Variants in ABCA7 observed in about 807,000 individuals in gnomAD.
ABCA7 encodes ATP binding cassette subfamily A member 7, also known as phospholipid-transporting ATPase ABCA7.
A neutral mutation model predicts 227.6 loss-of-function variants in ABCA7; 261 were observed. The observed-to-expected ratio is 1.15, with a 90% CI of 1.04 to 1.27. The LOEUF (loss-of-function observed/expected upper bound fraction) is 1.27, where lower values mean the gene tolerates loss of function less well. Ranked by LOEUF, ABCA7 falls within the 50% of genes most tolerant of loss-of-function variation. The pLI, the probability that ABCA7 is intolerant of heterozygous loss-of-function variation, is 0.00. For missense variants in ABCA7, 3,331 were observed against 2,924.5 expected (o/e 1.14, Z -3.21); for synonymous variants, 1,488 against 1,279.7 (o/e 1.16, Z -3.47).
intron 17 of ABCA7, 94 bp from the exon 18 acceptor site, chr19:1,049,172 C>T (rs926735032): frequency 2.1e-6 from 3 of 1,430,570 alleles, no homozygotes; most frequent in Non-Finnish European, 1.9e-6. Flanking sequence ...GGCCCCGGCC[C>T]AGCAGGTCCC....
Position 1,047,554 on chromosome 19 carries a change from T to A in ABCA7, c.2169T>A (p.Pro723=). The A allele has an allele frequency of 6.2e-7, 1 of 1,601,842 alleles. No individual in the cohort carries two copies. Among genetic ancestry groups the A allele is most frequent in the Non-Finnish European group, 8.5e-7 (1 of 1,178,812 alleles). ...GAQWHNVGTR[P]TADVFSLAQV... ...AGTGGCACAACGTGGGCACCCGGCCTACGGCAGACGTCTTCAGCCTGGCCC... is the reference window on the plus strand; with the variant it reads ...AGTGGCACAACGTGGGCACCCGGCCAACGGCAGACGTCTTCAGCCTGGCCC... Residue 723 remains proline, a synonymous_variant, in exon 16 of 47, where the codon CCT becomes CCA. Transcript: ENST00000263094.
chr19:1,061,967 G>A, intron 41 of ABCA7, 79 bp downstream of exon 41: 1 of 1,467,376 alleles, frequency 6.8e-7, no homozygotes, highest in East Asian at 2.3e-5. Flanking sequence ...TCCACCTCCA[G>A]TGAATGGACT....
Position 1,051,538 on chromosome 19 carries a change from C to T in ABCA7, c.2914C>T (p.Pro972Ser), listed in dbSNP as rs1485337830. 2.5e-6 allele frequency: 4 copies of T among 1,612,488 alleles called. No homozygotes were observed. Among genetic ancestry groups the T allele is most frequent in the Non-Finnish European group, 3.4e-6 (4 of 1,179,916 alleles). The change falls in exon 21 of 47, where the codon CCT (proline) becomes TCT (serine). Residue 972 changes from proline to serine, a missense_variant. Transcript: ENST00000263094. ...ILDEPTAGVD[P>S]ASRRGIWELL... The stretch of plus-strand genomic sequence containing the variant: ...GGACGAGCCTACGGCTGGCGTGGAT[C>T]CTGCTTCCCGCCGCGGTATTTGGGA...
Position 1,057,441 on chromosome 19 carries a change from A to G in ABCA7, c.4880+12A>G. The G allele has an allele frequency of 6.2e-7, 1 of 1,608,332 alleles. No individual in the cohort carries two copies. ...CTACTACTGTATGGGTGAGGCCCCCAGTCCCTCAGGGCCTATTCTTACTGA... is the reference window on the plus strand; with the variant it reads ...CTACTACTGTATGGGTGAGGCCCCCGGTCCCTCAGGGCCTATTCTTACTGA... On this transcript the variant is annotated intron_variant, in intron 35 of 46. Coordinates refer to ENST00000263094, the MANE Select transcript of ABCA7 (RefSeq NM_019112.4).
intron 16 of ABCA7, 110 bp downstream of exon 16, chr19:1,047,764 T>C: frequency 9.1e-7 from 1 of 1,095,872 alleles, no homozygotes; most frequent in East Asian, 3.9e-5. Context: ...CTTATTCCCT[T>C]GGAGAGAAGG....
intron 41 of ABCA7, 81 bp downstream of exon 41, chr19:1,061,969 G>A (rs2042685917): frequency 6.8e-7 from 1 of 1,460,472 alleles, no homozygotes; most frequent in Non-Finnish European, 9.2e-7. Flanking sequence ...CACCTCCAGT[G>A]AATGGACTGG....
In ABCA7 at chr19:1,061,775, C is replaced by T; in HGVS notation, c.5464-7C>T. 6.2e-7 allele frequency: 1 copy of T among 1,612,416 alleles called. No homozygotes were observed. Among genetic ancestry groups the T allele is most frequent in the Non-Finnish European group, 8.5e-7 (1 of 1,179,216 alleles). The stretch of plus-strand genomic sequence containing the variant: ...TCACTGAGCACCATCTGTGGGCATC[C>T]CTGTAGTGTTTTGGGCTGCTGGGTG... On this transcript the variant is annotated splice_polypyrimidine_tract_variant and splice_region_variant and intron_variant, in intron 40 of 46. Transcript: ENST00000263094.
Position 1,043,851 on chromosome 19 carries a change from G to A in ABCA7, c.1047+10G>A, listed in dbSNP as rs1226397770. On this transcript the variant is annotated intron_variant, in intron 10 of 46. Transcript: ENST00000263094. ...TGTGGCCATGCTGCAGGTGTGCGGG[G>A]GTGCTGGGGAGGTGGGATGTGGCTC... 2 of 1,612,530 alleles carry A rather than the reference G, an allele frequency of 1.2e-6. No homozygotes were observed. Among genetic ancestry groups the A allele is most frequent in the Non-Finnish European group, 8.5e-7 (1 of 1,179,576 alleles).
intron 11 of ABCA7, 35 bp downstream of exon 11, chr19:1,044,779 T>G: frequency 6.4e-7 from 1 of 1,563,444 alleles, no homozygotes; most frequent in Non-Finnish European, 8.6e-7. Flanking sequence ...TCTGTTTCAG[T>G]GGGGAGGGCA....
Position 1,047,162 on chromosome 19 carries a change from A to C in ABCA7, c.1851A>C (p.Gly617=). 3 of 1,604,678 alleles carry C rather than the reference A, an allele frequency of 1.9e-6. No individual in the cohort carries two copies. The highest frequency in any genetic ancestry group is 2.5e-6 in the Non-Finnish European group (3 of 1,177,598). Residue 617 remains glycine (G), a synonymous_variant, in exon 15 of 47, where the codon GGA becomes GGC. Transcript: ENST00000263094. Reference sequence around the variant, plus strand: ...GCTCCCGTTGCCTCTCACAGCTGGGAGACATCCTCCCCTACAGCCACCCGG... The same window carrying C: ...GCTCCCGTTGCCTCTCACAGCTGGGCGACATCCTCCCCTACAGCCACCCGG... ...AALLVLVLKL[G]DILPYSHPGV...
In ABCA7 at chr19:1,054,143, C is replaced by A. The variant is rs1821167750; in HGVS notation, c.3577+33C>A. ...CTTCCCAGTGGCCCTGGGGTCCTCC[C>A]AGCCACCCCCCCACAGCAGCGTGAG... On this transcript the variant is annotated intron_variant, in intron 26 of 46. Transcript: ENST00000263094. The surrounding 1 kb of genome is among the most constrained non-coding windows in gnomAD (Gnocchi z 4.8). 6.2e-7 allele frequency: 1 copy of A among 1,612,526 alleles called. No individual in the cohort carries two copies. The highest frequency in any genetic ancestry group is 8.5e-7 in the Non-Finnish European group (1 of 1,179,704).
Position 1,048,919 on chromosome 19 carries a change from G to T in ABCA7, c.2294G>T (p.Trp765Leu), listed in dbSNP as rs745624155. The T allele has an allele frequency of 6.2e-7, 1 of 1,609,250 alleles. No individual in the cohort carries two copies. The highest frequency in any genetic ancestry group is 1.7e-5 in the Admixed American group (1 of 59,678). The change falls in exon 17 of 47, where the codon TGG becomes TTG. Residue 765 changes from tryptophan to leucine, a missense_variant. Coordinates refer to ENST00000263094, the MANE Select transcript of ABCA7 (RefSeq NM_019112.4). ...GGCCAGTACGGGATCCCTGAACCAT[G>T]GAATTTTCCTTTTCGGAGGAGCTAC... ...CPGQYGIPEP[W>L]NFPFRRSYWC...
chr19:1,053,902 C>G (rs551103374), intron 25 of ABCA7, 66 bp downstream of exon 25: 2 of 1,593,362 alleles, frequency 1.3e-6, no homozygotes, highest in African/African-American at 2.7e-5. Flanking sequence ...GGTCCCCATC[C>G]CTGGCTTAGT....
At chr19:1,040,723 T>G (rs144662550) in intron 1 of ABCA7, among the ~76,000 whole-genome samples, 14 of 152,238 alleles carry the variant, frequency 9.2e-5, no homozygotes, top group African/African-American at 3.1e-4. Context: ...CTCTGAGCGA[T>G]TAATGCTACA....
Position 1,054,724 on chromosome 19 carries a change from G to T in ABCA7, c.3851+30G>T. 6.2e-7 allele frequency: 1 copy of T among 1,608,016 alleles called. No individual in the cohort carries two copies. Among genetic ancestry groups the T allele is most frequent in the Non-Finnish European group, 8.5e-7 (1 of 1,175,718 alleles). ...GTGCAGAAGGAAGGGGCTGGTGGCA[G>T]GAAGACTAGGGACCTGGGGGTACAG... is the stretch of plus-strand genomic sequence containing the variant. On this transcript the variant is annotated intron_variant, in intron 28 of 46. Coordinates refer to ENST00000263094, the MANE Select transcript of ABCA7 (RefSeq NM_019112.4). The surrounding 1 kb of genome is among the most constrained non-coding windows in gnomAD (Gnocchi z 4.8).
Position 1,046,236 on chromosome 19 carries a change from G to A in ABCA7, c.1452G>A (p.Trp484Ter). 6.2e-7 allele frequency: 1 copy of A among 1,606,882 alleles called. No homozygotes were observed. Among genetic ancestry groups the A allele is most frequent in the Non-Finnish European group, 8.5e-7 (1 of 1,179,602 alleles). ...TRTNKIRDRF[W>*]DPGPAADPLT... ...CACCATGCCCCTCTCGCAGGTTTTGGGACCCTGGCCCAGCCGCGGACCCCC... is the reference window on the plus strand; with the variant it reads ...CACCATGCCCCTCTCGCAGGTTTTGAGACCCTGGCCCAGCCGCGGACCCCC... The change falls in exon 13 of 47, where the codon TGG becomes TGA. Residue 484 changes from tryptophan (W) to a stop codon, truncating the protein, a stop_gained. Coordinates refer to ENST00000263094, the MANE Select transcript of ABCA7 (RefSeq NM_019112.4). LOFTEE classifies it high-confidence loss of function.
chr19:1,062,090 TG>T lies in ABCA7; in HGVS notation c.5571-79del, dbSNP rs974689883. On this transcript the variant is annotated intron_variant, in intron 41 of 46. Coordinates refer to ENST00000263094, the MANE Select transcript of ABCA7 (RefSeq NM_019112.4). ...CCTTATCAGCGTGGCCCTGGATGGG[TG>T]GGCCCTGAGACCCCTGTGTTAGCCA... is the stretch of plus-strand genomic sequence containing the variant. 5 of 1,561,518 alleles carry T rather than the reference TG, an allele frequency of 3.2e-6. No homozygotes were observed. In the African/African-American group the frequency reaches 6.8e-5, roughly 21 times the overall value.
rs2042714707 is a variant in ABCA7 at position 1,062,318 on chromosome 19, G to A, written c.5712+5G>A. On this transcript the variant is annotated splice_donor_5th_base_variant and intron_variant, in intron 42 of 46. Transcript: ENST00000263094. ...CCGGAGGCCCAGGTTGCCCAGGTGA[G>A]CCCACTTTGTCCCCACCGCTCTCAC... The A allele has an allele frequency of 1.2e-6, 2 of 1,601,322 alleles. No individual in the cohort carries two copies. The highest frequency in any genetic ancestry group is 1.7e-5 in the Admixed American group (1 of 59,938).
rs377353003 is a variant in ABCA7, at chr19:1,048,964, C to A, written c.2339C>A (p.Pro780His). 2.5e-5 allele frequency: 41 copies of A among 1,608,764 alleles called. No individual in the cohort carries two copies. Among genetic ancestry groups the A allele is most frequent in the African/African-American group, 1.2e-4 (9 of 74,762 alleles). Residue 780 changes from proline (P) to histidine (H), a missense_variant, in exon 17 of 47, where the codon CCC (proline) becomes CAC (histidine). Physicochemically the swap from Pro to His is moderately conservative, Grantham distance 77. Coordinates refer to ENST00000263094, the MANE Select transcript of ABCA7 (RefSeq NM_019112.4). Reference protein sequence around the residue: ...RRSYWCGPRPPKSPAPCPTPL... With the variant: ...RRSYWCGPRPHKSPAPCPTPL... The stretch of plus-strand genomic sequence containing the variant: ...AGCTACTGGTGCGGACCTCGGCCCC[C>A]CAAGAGTCCAGCCCCTTGCCCCACC...
Sources: gnomAD v4.1 joint callset for allele counts (sites outside exome capture counted in the v4.1 genomes callset) on GRCh38, gnomAD v4.1.1 for gene constraint, Gnocchi (gnomAD v3.1) non-coding constraint, MANE v1.5 for transcripts, NCBI Gene and HGNC (gene_info 2026-07-23, HGNC 2026-07-21) for gene names.